Variants in FGGY observed in about 807,000 individuals in gnomAD.
The protein encoded by FGGY is FGGY carbohydrate kinase domain-containing protein.
A neutral mutation model predicts 71.3 loss-of-function variants in FGGY; 72 were observed. That is an observed-to-expected ratio of 1.01 (90% confidence interval 0.84 to 1.23). The LOEUF is 1.23. Ranked by LOEUF, FGGY falls within the 50% of genes most tolerant of loss-of-function variation. FGGY has a pLI of 0.00. For missense variants in FGGY, 668 were observed against 682.3 expected (o/e 0.98, Z 0.23); for synonymous variants, 251 against 250.3 (o/e 1.00, Z -0.02).
At chr1:59,658,619 T>A (rs973634571) in intron 11 of FGGY, among the ~76,000 whole-genome samples, 9 of 152,138 alleles carry the variant, frequency 5.9e-5, no homozygotes, top group African/African-American at 1.9e-4. Context: ...AAGAAGCACA[T>A]GAGACAGTGA....
intron 8 of FGGY, among the ~76,000 whole-genome samples, chr1:59,588,543 G>A (rs547109897): frequency 2.3e-4 from 35 of 152,276 alleles, no homozygotes; most frequent in Non-Finnish European, 4.3e-4. Context: ...CAGAGAGAAA[G>A]GGCGGGTTAC....
At chr1:59,492,508 A>G (rs764941257) in intron 6 of FGGY, among the ~76,000 whole-genome samples, 14 of 152,166 alleles carry the variant, frequency 9.2e-5, no homozygotes, top group African/African-American at 1.9e-4. Flanking sequence ...CAATCTTTCA[A>G]TATCTAATTG....
chr1:59,347,751 A>G (rs2052378972), intron 4 of FGGY, among the ~76,000 whole-genome samples: 1 of 152,208 alleles, frequency 6.6e-6, no homozygotes, highest in South Asian at 2.1e-4. Flanking sequence ...CTGGCTAGCC[A>G]TATGGAGAAA....
At chr1:59,425,489 G>A (rs190243221) in intron 5 of FGGY, among the ~76,000 whole-genome samples, 18 of 152,238 alleles carry the variant, frequency 1.2e-4, no homozygotes, top group South Asian at 1.0e-3. Context: ...AGCATAATGC[G>A]TAGAGGAGGG....
intron 11 of FGGY, among the ~76,000 whole-genome samples, chr1:59,643,016 C>T (rs550250884): frequency 5.9e-4 from 76 of 128,912 alleles, no homozygotes; most frequent in African/African-American, 2.2e-3. Flanking sequence ...GCCTGGGTGA[C>T]AGAGTGAGAC....
At chr1:59,409,620 ATAT>A (rs1377564183) in intron 5 of FGGY, among the ~76,000 whole-genome samples, 1 of 150,152 alleles carries the variant, frequency 6.7e-6, no homozygotes, top group African/African-American at 2.5e-5. Flanking sequence ...ATATATATAT[ATAT>A]AAACAGACAA....
chr1:59,513,683 AT>A (rs1298901980), intron 7 of FGGY, among the ~76,000 whole-genome samples: 7 of 152,218 alleles, frequency 4.6e-5, no homozygotes, highest in African/African-American at 1.4e-4. Context: ...ACATTATGTT[AT>A]CTGTCCTGTA....
At chr1:59,561,243 C>T (rs2153718532) in intron 8 of FGGY, among the ~76,000 whole-genome samples, 1 of 152,290 alleles carries the variant, frequency 6.6e-6, no homozygotes, top group South Asian at 2.1e-4. Context: ...AATGAAAGTG[C>T]TGAGGTGCTG....
intron 6 of FGGY, among the ~76,000 whole-genome samples, chr1:59,462,184 C>T (rs1034150673): frequency 2.0e-5 from 3 of 152,012 alleles, no homozygotes; most frequent in African/African-American, 7.3e-5. Context: ...CTTTGACAAA[C>T]CTGAGAAAAA....
At position 59,459,636 on chromosome 1, in the gene FGGY, A is replaced by G. The variant is rs576108631; in HGVS notation, c.670+2560A>G. On this transcript the variant is annotated intron_variant, in intron 6 of 15. Coordinates refer to ENST00000303721, the MANE Select transcript of FGGY (RefSeq NM_018291.5). ...AATAAATTTTGACCTTTAATTCCAC[A>G]TGAATAATTCCCCAGTTACCTATCT... Among the ~76,000 whole-genome samples the G allele has an allele frequency of 2.6e-5, 4 of 152,332 alleles. No homozygotes were observed. The South Asian group carries it at 6.2e-4, about 24-fold the overall frequency.
chr1:59,725,603 T>C (rs2097937084), intron 14 of FGGY, among the ~76,000 whole-genome samples: 2 of 152,038 alleles, frequency 1.3e-5, no homozygotes, highest in South Asian at 4.1e-4. Context: ...TACCTAAGTG[T>C]TTTTGTGGGG....
intron 15 of FGGY, among the ~76,000 whole-genome samples, chr1:59,762,057 C>T (rs1023303103): frequency 2.7e-4 from 36 of 135,264 alleles, no homozygotes; most frequent in South Asian, 5.1e-4. Flanking sequence ...ATATGCCTCT[C>T]ATTTAGGAAT....
intron 14 of FGGY, among the ~76,000 whole-genome samples, chr1:59,748,435 G>C (rs2098218226): frequency 1.3e-5 from 2 of 152,134 alleles, no homozygotes; most frequent in Admixed American, 1.3e-4. Flanking sequence ...GAAAAAGCCA[G>C]ACAGTCAAAG....
intron 5 of FGGY, among the ~76,000 whole-genome samples, chr1:59,419,992 G>T (rs1277497113): frequency 6.6e-6 from 1 of 152,188 alleles, no homozygotes; most frequent in Non-Finnish European, 1.5e-5. Context: ...AATTCAAAAT[G>T]AGATAATGTG....
chr1:59,618,294 A>G (rs1434723795), intron 9 of FGGY, among the ~76,000 whole-genome samples: 1 of 152,146 alleles, frequency 6.6e-6, no homozygotes, highest in Non-Finnish European at 1.5e-5. Context: ...TTGGTATTTC[A>G]TCTGATCTTC....
intron 5 of FGGY, among the ~76,000 whole-genome samples, chr1:59,413,035 C>T (rs923125698): frequency 6.6e-6 from 1 of 152,242 alleles, no homozygotes; most frequent in Non-Finnish European, 1.5e-5. Context: ...TTTCTTCCAA[C>T]TCCCATGCAT....
intron 8 of FGGY, among the ~76,000 whole-genome samples, chr1:59,564,642 G>A (rs1364537205): frequency 1.3e-5 from 2 of 152,044 alleles, no homozygotes; most frequent in Non-Finnish European, 2.9e-5. Context: ...CTGAAGTTGT[G>A]GTGATAATGT....
At chr1:59,477,207 G>A (rs766485526) in intron 6 of FGGY, among the ~76,000 whole-genome samples, 11 of 151,978 alleles carry the variant, frequency 7.2e-5, no homozygotes, top group Non-Finnish European at 1.3e-4. Flanking sequence ...AGCTTTTCTT[G>A]GTCACACAGC....
chr1:59,539,576 C>T (rs2095407638), intron 7 of FGGY, among the ~76,000 whole-genome samples: 3 of 152,102 alleles, frequency 2.0e-5, no homozygotes, highest in South Asian at 4.2e-4. Context: ...GAATTTTGGC[C>T]CTTCTCCTTA....
Sources: gnomAD v4.1 joint callset for allele counts (sites outside exome capture counted in the v4.1 genomes callset) on GRCh38, gnomAD v4.1.1 for gene constraint, MANE v1.5 for transcripts, NCBI Gene and HGNC (gene_info 2026-07-23, HGNC 2026-07-21) for gene names.